Variants in AGBL4 observed in about 807,000 individuals in gnomAD.
The protein encoded by AGBL4 is cytosolic carboxypeptidase 6.
AGBL4 carries 58 observed loss-of-function variants against 66.4 expected under a neutral mutation model. That is an observed-to-expected ratio of 0.87 (90% confidence interval 0.71 to 1.09). AGBL4 has a LOEUF of 1.09. Among genes scored for constraint, AGBL4 ranks in the 50% least tolerant of loss-of-function variants. The pLI, the probability that AGBL4 is intolerant of heterozygous loss-of-function variation, is 0.00. For missense variants in AGBL4, 579 were observed against 631.0 expected (o/e 0.92, Z 0.88); for synonymous variants, 234 against 222.9 (o/e 1.05, Z -0.44).
chr1:49,620,426 T>C (rs1413109987), intron 3 of AGBL4, among the ~76,000 whole-genome samples: 5 of 152,168 alleles, frequency 3.3e-5, no homozygotes, highest in Non-Finnish European at 7.4e-5. Context: ...AGATACCATC[T>C]CATGCCATTT....
chr1:48,580,488 T>A (rs1644723673), intron 11 of AGBL4, among the ~76,000 whole-genome samples: 1 of 152,208 alleles, frequency 6.6e-6, no homozygotes, highest in Non-Finnish European at 1.5e-5. Context: ...TTGAGACAGG[T>A]CTGAGCTAGA....
At chr1:48,625,729 T>C (rs751994212) in intron 9 of AGBL4, among the ~76,000 whole-genome samples, 34 of 152,096 alleles carry the variant, frequency 2.2e-4, no homozygotes, top group Non-Finnish European at 4.1e-4. Context: ...ATCTAGTCAG[T>C]AGTTGAGAGG....
At chr1:49,614,303 T>A (rs1211748017) in intron 3 of AGBL4, among the ~76,000 whole-genome samples, 1 of 152,170 alleles carries the variant, frequency 6.6e-6, no homozygotes, top group East Asian at 1.9e-4. Flanking sequence ...TGGAATCATA[T>A]GGTATATACT....
At chr1:49,783,442 T>A (rs1414325284) in intron 2 of AGBL4, among the ~76,000 whole-genome samples, 1 of 152,106 alleles carries the variant, frequency 6.6e-6, no homozygotes, top group Non-Finnish European at 1.5e-5. Flanking sequence ...AATAGATGCA[T>A]AAAAAGTATC....
intron 1 of AGBL4, among the ~76,000 whole-genome samples, chr1:49,920,239 G>C (rs529778952): frequency 1.3e-5 from 2 of 152,258 alleles, no homozygotes; most frequent in East Asian, 1.9e-4. Flanking sequence ...ATTGACAAAT[G>C]GGATCTAATT....
At chr1:49,885,903 A>G (rs1050818973) in intron 1 of AGBL4, among the ~76,000 whole-genome samples, 34 of 152,294 alleles carry the variant, frequency 2.2e-4, no homozygotes, top group African/African-American at 8.2e-4. Flanking sequence ...TGTGGACCTA[A>G]GGCTGAATAC....
At chr1:49,851,896 T>C (rs917919217) in intron 1 of AGBL4, among the ~76,000 whole-genome samples, 1 of 152,182 alleles carries the variant, frequency 6.6e-6, no homozygotes, top group African/African-American at 2.4e-5. Context: ...AACCATTTAA[T>C]ATATAAATAA....
At chr1:49,758,843 T>C (rs1237575320) in intron 2 of AGBL4, among the ~76,000 whole-genome samples, 1 of 152,064 alleles carries the variant, frequency 6.6e-6, no homozygotes, top group East Asian at 1.9e-4. Flanking sequence ...AATTTTGTTT[T>C]GAAATGTGAG....
intron 2 of AGBL4, among the ~76,000 whole-genome samples, chr1:49,765,821 G>C (rs1652691821): frequency 6.6e-6 from 1 of 151,882 alleles, no homozygotes; most frequent in African/African-American, 2.4e-5. Flanking sequence ...CAATAGATGA[G>C]ATCAAGCAGA....
At chr1:49,213,053 T>G (rs1434181359) in intron 4 of AGBL4, among the ~76,000 whole-genome samples, 2 of 152,160 alleles carry the variant, frequency 1.3e-5, no homozygotes, top group Non-Finnish European at 2.9e-5. Flanking sequence ...TAAACAATAT[T>G]TACTATATAC....
intron 3 of AGBL4, among the ~76,000 whole-genome samples, chr1:49,447,117 A>G (rs1188898851): frequency 6.6e-6 from 1 of 152,156 alleles, no homozygotes; most frequent in East Asian, 1.9e-4. Context: ...TTCTCCATGC[A>G]TGAGCCTGAG....
intron 3 of AGBL4, among the ~76,000 whole-genome samples, chr1:49,531,432 T>C (rs1651131973): frequency 6.6e-6 from 1 of 152,120 alleles, no homozygotes; most frequent in Non-Finnish European, 1.5e-5. Context: ...AACCCTACTC[T>C]AGCAACCCTT....
intron 3 of AGBL4, among the ~76,000 whole-genome samples, chr1:49,577,643 G>A (rs542675943): frequency 1.1e-4 from 17 of 152,248 alleles, no homozygotes; most frequent in African/African-American, 2.4e-4. Context: ...CTTATCCACC[G>A]TCATGGTATT....
At chr1:48,809,072 A>G (rs1645993428) in intron 6 of AGBL4, among the ~76,000 whole-genome samples, 1 of 152,126 alleles carries the variant, frequency 6.6e-6, no homozygotes, top group Non-Finnish European at 1.5e-5. Flanking sequence ...GTTCCCATGA[A>G]GATCCGTGGG....
intron 5 of AGBL4, among the ~76,000 whole-genome samples, chr1:48,953,517 T>C (rs776107140): frequency 1.3e-5 from 2 of 152,212 alleles, no homozygotes; most frequent in Non-Finnish European, 2.9e-5. Context: ...AGTGAGTTTT[T>C]AACTTCTATC....
At chr1:49,122,491 TC>T (rs1645678120) in intron 4 of AGBL4, among the ~76,000 whole-genome samples, 1 of 152,236 alleles carries the variant, frequency 6.6e-6, no homozygotes. Flanking sequence ...ACAAAAATAT[TC>T]CAATCACATT....
At chr1:48,703,513 A>T (rs1646834691) in intron 6 of AGBL4, among the ~76,000 whole-genome samples, 1 of 152,200 alleles carries the variant, frequency 6.6e-6, no homozygotes, top group South Asian at 2.1e-4. Context: ...GTATAAAATA[A>T]AAAAGAAAAG....
At chr1:49,352,366 C>CTTTTTTTTTTT (rs35699154) in intron 3 of AGBL4, among the ~76,000 whole-genome samples, 2 of 83,112 alleles carry the variant, frequency 2.4e-5, no homozygotes, top group African/African-American at 4.8e-5. Context: ...TGAATTGAAG[C>CTTTTTTTTTTT]TTTTTTTTTT....
chr1:48,886,243 G>A (rs1272599188), intron 5 of AGBL4, among the ~76,000 whole-genome samples: 1 of 152,140 alleles, frequency 6.6e-6, no homozygotes, highest in Non-Finnish European at 1.5e-5. Context: ...CTGAGTGGGG[G>A]TCCCGTTCCA....
Sources: allele counts gnomAD v4.1 joint callset (sites outside exome capture counted in the v4.1 genomes callset), GRCh38; gene constraint gnomAD v4.1.1; transcripts MANE v1.5; gene names NCBI Gene and HGNC (gene_info 2026-07-23, HGNC 2026-07-21).